Variants in ARID5B observed in about 807,000 individuals in gnomAD.
ARID5B encodes AT-rich interaction domain 5B.
A neutral mutation model predicts 97.2 loss-of-function variants in ARID5B; 13 were observed. The observed-to-expected ratio is 0.13, with a 90% CI of 0.09 to 0.21. The LOEUF (loss-of-function observed/expected upper bound fraction) is 0.21. ARID5B is among the 10% of genes least tolerant of loss of function. The pLI is 1.00. For synonymous variants in ARID5B, 556 were observed against 570.3 expected, an observed-to-expected ratio of 0.97 and a Z score of 0.36; for missense variants, 1,210 against 1,465.3, an observed-to-expected ratio of 0.83 and a Z score of 2.84.
At chr10:62,014,408 A>C (rs1047409682) in intron 4 of ARID5B, among the ~76,000 whole-genome samples, 1 of 152,206 alleles carries the variant, frequency 6.6e-6, no homozygotes, top group African/African-American at 2.4e-5. Flanking sequence ...TGGTGCTGAC[A>C]GGAGGCAGCG....
At chr10:61,933,803 G>A (rs995044918) in intron 2 of ARID5B, among the ~76,000 whole-genome samples, 2 of 152,118 alleles carry the variant, frequency 1.3e-5, no homozygotes, top group Non-Finnish European at 2.9e-5. Context: ...ATCCTGAAAG[G>A]CCCTAGGATT....
At chr10:62,059,110 G>T in intron 6 of ARID5B, 133 bp from the exon 7 acceptor site, 1 of 626,632 alleles carries the variant, frequency 1.6e-6, no homozygotes. Flanking sequence ...TGTTTCCTAA[G>T]AACTTAGCTC....
rs200295179 is a variant in ARID5B at position 62,065,070 on chromosome 10, G to A, written c.1102-4630G>A. Among the ~76,000 whole-genome samples the A allele has an allele frequency of 5.3e-5, 8 of 152,124 alleles. No homozygotes were observed. The East Asian group carries it at 9.6e-4, about 18-fold the overall frequency. Reference sequence around the variant, plus strand: ...ATTACAGGCGTGAGTCACCATGCCCGTCCTCTAAAGACGGTTTGAAACCCA... The same window carrying A: ...ATTACAGGCGTGAGTCACCATGCCCATCCTCTAAAGACGGTTTGAAACCCA... On this transcript the variant is annotated intron_variant, in intron 7 of 9. Transcript: ENST00000279873.
At chr10:62,082,756 T>A (rs1840230408) in intron 8 of ARID5B, among the ~76,000 whole-genome samples, 1 of 152,208 alleles carries the variant, frequency 6.6e-6, no homozygotes, top group African/African-American at 2.4e-5. Flanking sequence ...TAAAAACTTC[T>A]AATAATCATA....
At chr10:62,080,947 C>A (rs1020401549) in intron 8 of ARID5B, among the ~76,000 whole-genome samples, 2 of 152,012 alleles carry the variant, frequency 1.3e-5, no homozygotes, top group African/African-American at 4.8e-5. Context: ...CTCAGTTTCC[C>A]AAGTGGCTGG....
At chr10:62,032,914 G>T (rs1417671629) in intron 4 of ARID5B, among the ~76,000 whole-genome samples, 1 of 152,058 alleles carries the variant, frequency 6.6e-6, no homozygotes, top group Non-Finnish European at 1.5e-5. Context: ...CCACCTAGGG[G>T]CTTGCTTAAA....
intron 8 of ARID5B, among the ~76,000 whole-genome samples, chr10:62,076,305 C>T (rs1160469028): frequency 3.3e-5 from 5 of 152,016 alleles, no homozygotes; most frequent in Admixed American, 2.0e-4. Context: ...TTTGGGAGGC[C>T]GAGGCGGGCA....
At position 62,000,002 on chromosome 10, in the gene ARID5B, C is replaced by A; in HGVS notation, c.503-89C>A. On this transcript the variant is annotated intron_variant, in intron 3 of 9. Transcript: ENST00000279873. This position sits in a 1 kb window ranked among gnomAD's most constrained non-coding sequence, Gnocchi z 4.4. ...GGATGAGAGTCTTTTTAGTCCCAAA[C>A]CAGAAGTGATTATTGAAATTATACC... is the stretch of plus-strand genomic sequence containing the variant. 7.6e-7 allele frequency: 1 copy of A among 1,321,948 alleles called. No individual in the cohort carries two copies. The highest frequency in any genetic ancestry group is 2.4e-5 in the East Asian group (1 of 41,674). 81.9% of individuals were successfully genotyped at this position (1,321,948 alleles called of 1,614,324 possible).
chr10:62,079,336 T>A (rs1269466168), intron 8 of ARID5B, among the ~76,000 whole-genome samples: 3 of 152,192 alleles, frequency 2.0e-5, no homozygotes, highest in African/African-American at 7.2e-5. Flanking sequence ...ATCGTTTAGC[T>A]CTGAACCTCA....
At chr10:62,087,517 A>G (rs900220218) in intron 9 of ARID5B, among the ~76,000 whole-genome samples, 8 of 151,512 alleles carry the variant, frequency 5.3e-5, no homozygotes, top group African/African-American at 1.9e-4. Context: ...AATAATAAAA[A>G]ACGCTGCTGC....
intron 8 of ARID5B, among the ~76,000 whole-genome samples, chr10:62,076,829 C>G (rs1313522273): frequency 1.3e-5 from 2 of 152,104 alleles, no homozygotes; most frequent in Non-Finnish European, 2.9e-5. Context: ...TCTGCCCATC[C>G]TCATCCATGG....
At position 61,935,483 on chromosome 10, in the gene ARID5B, T is replaced by C. The variant is rs1169498418; in HGVS notation, c.277-4700T>C. ...AGAAGCAGCCTCAAAGATTTTGTAC[T>C]GTATGATTCAATTTATATGACATTT... On this transcript the variant is annotated intron_variant, in intron 2 of 9. Coordinates refer to ENST00000279873, the MANE Select transcript of ARID5B (RefSeq NM_032199.3). 2.6e-5 allele frequency among the ~76,000 whole-genome samples: 4 copies of C among 152,074 alleles called. No homozygotes were observed. The East Asian group carries it at 7.7e-4, about 29-fold the overall frequency.
chr10:61,908,225 A>G (rs551420292), intron 2 of ARID5B, among the ~76,000 whole-genome samples: 3 of 152,340 alleles, frequency 2.0e-5, no homozygotes, highest in South Asian at 2.1e-4. Context: ...GTGAAGTTCT[A>G]TGTGCTCAGT....
chr10:61,979,967 C>A (rs1040428735), intron 3 of ARID5B, among the ~76,000 whole-genome samples: 1 of 152,092 alleles, frequency 6.6e-6, no homozygotes, highest in Non-Finnish European at 1.5e-5. Context: ...GTGGCACATG[C>A]CTGTAATCCC....
chr10:62,011,434 G>T (rs918468994), intron 4 of ARID5B, among the ~76,000 whole-genome samples: 7 of 152,198 alleles, frequency 4.6e-5, no homozygotes, highest in African/African-American at 1.2e-4. Context: ...GCTGTTGAAA[G>T]AGAGGAAATT....
intron 3 of ARID5B, among the ~76,000 whole-genome samples, chr10:61,963,743 A>C (rs1451203286): frequency 6.6e-6 from 1 of 151,744 alleles, no homozygotes; most frequent in Non-Finnish European, 1.5e-5. Context: ...CTGTGTCCTG[A>C]TTTCAGGAGA....
intron 2 of ARID5B, among the ~76,000 whole-genome samples, chr10:61,936,721 C>G (rs1844306982): frequency 6.6e-6 from 1 of 151,724 alleles, no homozygotes; most frequent in Non-Finnish European, 1.5e-5. Flanking sequence ...GAAGAAATAA[C>G]AATGATCATG....
At chr10:61,937,777 G>GT (rs1378915959) in intron 2 of ARID5B, among the ~76,000 whole-genome samples, 2 of 152,218 alleles carry the variant, frequency 1.3e-5, no homozygotes, top group African/African-American at 4.8e-5. Flanking sequence ...GCTCAGAATA[G>GT]TAAATGCGAA....
At chr10:61,902,984 T>C (rs1482459081) in intron 2 of ARID5B, among the ~76,000 whole-genome samples, 1 of 152,148 alleles carries the variant, frequency 6.6e-6, no homozygotes, top group Non-Finnish European at 1.5e-5. Flanking sequence ...GAATAATACA[T>C]TCAAATAACT....
Sources: allele counts gnomAD v4.1 joint callset (sites outside exome capture counted in the v4.1 genomes callset), GRCh38; gene constraint gnomAD v4.1.1; non-coding constraint Gnocchi (gnomAD v3.1); transcripts MANE v1.5; gene names NCBI Gene and HGNC (gene_info 2026-07-23, HGNC 2026-07-21).